Variants in FBXO39 observed in about 807,000 individuals in gnomAD.
The protein encoded by FBXO39 is F-box protein 39.
A neutral mutation model predicts 36.6 loss-of-function variants in FBXO39; 22 were observed. That is an observed-to-expected ratio of 0.60 (90% CI 0.43 to 0.86). FBXO39 has a LOEUF of 0.86. FBXO39 is among the 40% of genes least tolerant of loss of function. The probability of loss-of-function intolerance (pLI) is 0.00; values close to 1 mark genes in which losing one functional copy is unlikely to be tolerated. For synonymous variants in FBXO39, 206 were observed against 205.8 expected, an observed-to-expected ratio of 1.00 and a Z score of -0.01; for missense variants, 536 against 543.9, an observed-to-expected ratio of 0.99 and a Z score of 0.14.
intron 2 of FBXO39, 55 bp downstream of exon 2, chr17:6,780,946 G>A: frequency 6.5e-7 from 1 of 1,533,806 alleles, no homozygotes; most frequent in East Asian, 2.3e-5. Flanking sequence ...TTCCCCAGAA[G>A]AAAGCCCACT....
chr17:6,785,902 T>C (rs933294343), intron 2 of FBXO39, among the ~76,000 whole-genome samples: 3 of 152,114 alleles, frequency 2.0e-5, no homozygotes, highest in Non-Finnish European at 4.4e-5. Context: ...ACACAGTTGG[T>C]GGGAATTTAA....
chr17:6,779,967 C>T lies in FBXO39; in HGVS notation c.99C>T (p.Asp33=). 3 of 1,614,198 alleles carry T rather than the reference C, an allele frequency of 1.9e-6. No individual in the cohort carries two copies. The highest frequency in any genetic ancestry group is 2.5e-6 in the Non-Finnish European group (3 of 1,180,026). ...CLCRVFWWLG[D]RDRSRAALVC... The stretch of plus-strand genomic sequence containing the variant: ...GCCGTGTTTTCTGGTGGCTAGGAGA[C>T]AGGGACAGGTCCAGGGCTGCTCTTG... Residue 33 remains aspartate, a synonymous_variant, in exon 2 of 4, where the codon GAC becomes GAT. Coordinates refer to ENST00000321535, the MANE Select transcript of FBXO39 (RefSeq NM_153230.3).
At chr17:6,776,356 G>A (rs1229839757) in intron 1 of FBXO39, 84 bp downstream of exon 1, 2 of 152,480 alleles carry the variant, frequency 1.3e-5, no homozygotes, top group African/African-American at 2.4e-5. Flanking sequence ...GGCTGGGGTG[G>A]CGGTGGGATG....
chr17:6,780,507 C>T lies in FBXO39; in HGVS notation c.639C>T (p.Ser213=). The T allele has an allele frequency of 6.2e-7, 1 of 1,614,104 alleles. No individual in the cohort carries two copies. Among genetic ancestry groups the T allele is most frequent in the Non-Finnish European group, 8.5e-7 (1 of 1,180,014 alleles). ...GCCATCACCTTGCTGTCTACAACAG[C>T]CCCCAGTTCAAAAAGACCATGTCCA... is the stretch of plus-strand genomic sequence containing the variant. The part of the protein sequence containing the change: ...YFSHHLAVYN[S]PQFKKTMSTF... Residue 213 remains serine, a synonymous_variant, in exon 2 of 4, where the codon AGC becomes AGT. Coordinates refer to ENST00000321535, the MANE Select transcript of FBXO39 (RefSeq NM_153230.3).
intron 1 of FBXO39, among the ~76,000 whole-genome samples, chr17:6,776,923 CG>C (rs1406828455): frequency 6.6e-6 from 1 of 151,880 alleles, no homozygotes; most frequent in African/African-American, 2.4e-5. Flanking sequence ...GATGGGGTCT[CG>C]GGGGGTAAGG....
chr17:6,780,578 C>T lies in FBXO39; in HGVS notation c.710C>T (p.Ser237Phe), dbSNP rs1396018323. 1 of 1,614,072 alleles carries T rather than the reference C, an allele frequency of 6.2e-7. No homozygotes were observed. Among genetic ancestry groups the T allele is most frequent in the Non-Finnish European group, 8.5e-7 (1 of 1,180,030 alleles). ...CTGAACCTCAACTACAACTGTATCT[C>T]CGACGAGCTGCTTGAGAACTTGTGT... The part of the protein sequence containing the change: ...VSLNLNYNCI[S>F]DELLENLCEN... Residue 237 changes from serine (S) to phenylalanine (F), a missense_variant, in exon 2 of 4, where the codon TCC becomes TTC. By Grantham distance (155) the Ser-to-Phe change is radical. Transcript: ENST00000321535.
chr17:6,778,036 ACTG>A (rs1976455147), intron 1 of FBXO39, among the ~76,000 whole-genome samples: 1 of 152,110 alleles, frequency 6.6e-6, no homozygotes, highest in Non-Finnish European at 1.5e-5. Context: ...GAGGATGCTC[ACTG>A]CCACTGTGGT....
chr17:6,786,511 G>T (rs1417782647), intron 2 of FBXO39, among the ~76,000 whole-genome samples: 1 of 152,154 alleles, frequency 6.6e-6, no homozygotes, highest in Non-Finnish European at 1.5e-5. Flanking sequence ...TAATTGGATT[G>T]TTTGTAACAC....
chr17:6,777,166 T>C (rs904535768), intron 1 of FBXO39, among the ~76,000 whole-genome samples: 2 of 152,242 alleles, frequency 1.3e-5, no homozygotes, highest in East Asian at 1.9e-4. Flanking sequence ...TAGGTATACA[T>C]GTGCCATGGT....
At chr17:6,777,534 A>G (rs1188412122) in intron 1 of FBXO39, among the ~76,000 whole-genome samples, 1 of 152,156 alleles carries the variant, frequency 6.6e-6, no homozygotes, top group Non-Finnish European at 1.5e-5. Flanking sequence ...GTTGATTCCA[A>G]GTCTTTGCTT....
chr17:6,780,288 A>G lies in FBXO39; in HGVS notation c.420A>G (p.Val140=). ...SIQYLELDRL[V]WRNSIRSSFI... ...AATACCTGGAGCTGGACCGCCTGGT[A>G]TGGAGGAACAGCATCAGGAGCTCAT... is the stretch of plus-strand genomic sequence containing the variant. The change falls in exon 2 of 4, where the codon GTA becomes GTG. Residue 140 remains valine (V), a synonymous_variant. Transcript: ENST00000321535. 6.2e-7 allele frequency: 1 copy of G among 1,614,106 alleles called. No individual in the cohort carries two copies. The highest frequency in any genetic ancestry group is 8.5e-7 in the Non-Finnish European group (1 of 1,180,012).
Position 6,780,467 on chromosome 17 carries a change from T to A in FBXO39, c.599T>A (p.Ile200Asn), listed in dbSNP as rs755675137. ...GAGAATGTGATCTCAGAGCTCAACA[T>A]CGAGGACTATTTCAGCCATCACCTT... ...RNENVISELN[I>N]EDYFSHHLAV... The change falls in exon 2 of 4, where the codon ATC (isoleucine) becomes AAC (asparagine). Residue 200 changes from isoleucine to asparagine, a missense_variant. Transcript: ENST00000321535. 1 of 1,614,138 alleles carries A rather than the reference T, an allele frequency of 6.2e-7. No individual in the cohort carries two copies. Among genetic ancestry groups the A allele is most frequent in the East Asian group, 2.2e-5 (1 of 44,870 alleles).
chr17:6,782,166 T>C (rs1976516123), intron 2 of FBXO39, among the ~76,000 whole-genome samples: 2 of 152,240 alleles, frequency 1.3e-5, no homozygotes, highest in Non-Finnish European at 2.9e-5. Flanking sequence ...GTTTTAGTTT[T>C]GCTGTTTATT....
At position 6,787,530 on chromosome 17, in the gene FBXO39, TC is replaced by T; in HGVS notation, c.*106del. On this transcript the variant is annotated 3_prime_UTR_variant, in exon 4 of 4. Coordinates refer to ENST00000321535, the MANE Select transcript of FBXO39 (RefSeq NM_153230.3). ...CTGCCGGCCCTTTTGCTCCTCTCTC[TC>T]CCCTCCACTTTTTTTTTTTGTCAGC... 2 of 1,369,710 alleles carry T rather than the reference TC, an allele frequency of 1.5e-6. No individual in the cohort carries two copies. The allele number at this position is 1,369,710 out of a possible 1,614,324, so 84.8% of individuals were successfully genotyped here.
At chr17:6,779,694 A>G (rs1976478877) in intron 1 of FBXO39, 95 bp from the exon 2 acceptor site, 2 of 646,382 alleles carry the variant, frequency 3.1e-6, no homozygotes, top group Non-Finnish European at 5.3e-6. Flanking sequence ...CACCTGGCAC[A>G]GTGCCTAATG....
Position 6,780,697 on chromosome 17 carries a change from G to A in FBXO39, c.829G>A (p.Ala277Thr), listed in dbSNP as rs1976497262. The A allele has an allele frequency of 1.9e-6, 3 of 1,614,158 alleles. No individual in the cohort carries two copies. The highest frequency in any genetic ancestry group is 3.3e-5 in the Admixed American group (2 of 60,022). ...CTGGGGTATGTCCTGGGCCAAGCTGGCCAGGCAGGCCACCAATCTGAAGGT... is the reference window on the plus strand; with the variant it reads ...CTGGGGTATGTCCTGGGCCAAGCTGACCAGGCAGGCCACCAATCTGAAGGT... ...VIWGMSWAKL[A>T]RQATNLKVNF... Residue 277 changes from alanine to threonine, a missense_variant, in exon 2 of 4, where the codon GCC becomes ACC. Ala to Thr is a moderately conservative substitution (Grantham distance 58). Coordinates refer to ENST00000321535, the MANE Select transcript of FBXO39 (RefSeq NM_153230.3).
In FBXO39 at chr17:6,780,698, C is replaced by G. The variant is rs1291748807; in HGVS notation, c.830C>G (p.Ala277Gly). ...VIWGMSWAKLARQATNLKVNF... is the reference protein window; with the variant it reads ...VIWGMSWAKLGRQATNLKVNF... ...TGGGGTATGTCCTGGGCCAAGCTGG[C>G]CAGGCAGGCCACCAATCTGAAGGTG... is the stretch of plus-strand genomic sequence containing the variant. Residue 277 changes from alanine (A) to glycine (G), a missense_variant, in exon 2 of 4, where the codon GCC (alanine) becomes GGC (glycine). Coordinates refer to ENST00000321535, the MANE Select transcript of FBXO39 (RefSeq NM_153230.3). 1 of 1,614,036 alleles carries G rather than the reference C, an allele frequency of 6.2e-7. No homozygotes were observed. The highest frequency in any genetic ancestry group is 1.3e-5 in the African/African-American group (1 of 74,914).
rs1282316678 is a variant in FBXO39, at chr17:6,780,890, A to G, written c.1022A>G (p.Gln341Arg). The G allele has an allele frequency of 1.9e-6, 3 of 1,608,406 alleles. No homozygotes were observed. The South Asian group carries it at 3.3e-5, about 18-fold the overall frequency. The change falls in exon 2 of 4, where the codon CAG (glutamine) becomes CGG (arginine). Residue 341 changes from glutamine to arginine, a missense_variant and splice_region_variant. Transcript: ENST00000321535. ...DLLPTFRHTL[Q>R]KLTCEFNNNH... is the part of the protein sequence containing the mutation. ...CTGCCCACCTTCCGGCACACTCTGC[A>G]GGTAGGTAGGACTTGTGAGGAGTGA...
Position 6,779,771 on chromosome 17 carries a change from C to T in FBXO39, c.-80-18C>T. 2 of 1,293,220 alleles carry T rather than the reference C, an allele frequency of 1.5e-6. No homozygotes were observed. Among genetic ancestry groups the T allele is most frequent in the Non-Finnish European group, 2.1e-6 (2 of 937,488 alleles). The allele number at this position is 1,293,220 out of a possible 1,614,324, so 80.1% of individuals were successfully genotyped here. ...CTCTGTTTGACAGGTAATGGCTCTT[C>T]CTTTTTATTCCCCACAGAAAGCAAG... is the stretch of plus-strand genomic sequence containing the variant. On this transcript the variant is annotated intron_variant, in intron 1 of 3. Coordinates refer to ENST00000321535, the MANE Select transcript of FBXO39 (RefSeq NM_153230.3).
Sources: gnomAD v4.1 joint callset for allele counts (sites outside exome capture counted in the v4.1 genomes callset) on GRCh38, gnomAD v4.1.1 for gene constraint, MANE v1.5 for transcripts, NCBI Gene and HGNC (gene_info 2026-07-23, HGNC 2026-07-21) for gene names.